The following CPA6 variants were observed in gnomAD, a reference collection of about 807,000 sequenced individuals.
CPA6 encodes the protein carboxypeptidase A6.
Under a neutral mutation model 63.3 loss-of-function variants are expected in CPA6, and 58 were observed. The ratio of observed to expected loss-of-function variants is 0.92; its 90% CI spans 0.74 to 1.14. The LOEUF (loss-of-function observed/expected upper bound fraction) is 1.14, where lower values mean the gene tolerates loss of function less well. Ranked by LOEUF, CPA6 falls within the 50% of genes most tolerant of loss-of-function variation. The probability of loss-of-function intolerance (pLI) is 0.00; values close to 1 mark genes in which losing one functional copy is unlikely to be tolerated. For synonymous variants in CPA6, 185 were observed against 179.0 expected, an observed-to-expected ratio of 1.03 and a Z score of -0.27; for missense variants, 565 against 526.6, an observed-to-expected ratio of 1.07 and a Z score of -0.71.
At chr8:67,554,900 G>A (rs959085285) in intron 2 of CPA6, among the ~76,000 whole-genome samples, 4 of 152,012 alleles carry the variant, frequency 2.6e-5, no homozygotes, top group African/African-American at 9.7e-5. Context: ...TCAGTCCACT[G>A]ACTCACATGC....
intron 2 of CPA6, among the ~76,000 whole-genome samples, chr8:67,610,985 T>A (rs11785645): frequency 0.15 from 22,347 of 152,176 alleles, 2,129 homozygotes; most frequent in East Asian, 0.41. Flanking sequence ...TAGCACATGG[T>A]AGTATATAAT....
chr8:67,635,576 T>G (rs1173178732), intron 1 of CPA6, among the ~76,000 whole-genome samples: 1 of 151,616 alleles, frequency 6.6e-6, no homozygotes, highest in Non-Finnish European at 1.5e-5. Context: ...GAGACCAGCC[T>G]GACCAACATG....
At chr8:67,500,293 G>A (rs186229055) in intron 6 of CPA6, among the ~76,000 whole-genome samples, 61 of 152,156 alleles carry the variant, frequency 4.0e-4, no homozygotes, top group African/African-American at 1.2e-3. Flanking sequence ...TTTTCCCAAC[G>A]ACATCTTTTT....
rs145104714 is a variant in CPA6, at chr8:67,464,814, G to A, written c.838+18954C>T. On this transcript the variant is annotated intron_variant, in intron 8 of 10. Coordinates refer to ENST00000297770, the MANE Select transcript of CPA6 (RefSeq NM_020361.5). ...CTGTCGACTTTGTTGAAGATCAGATGGCTGTAGGTGTGTGGCTTTATTCTG... is the reference window on the plus strand; with the variant it reads ...CTGTCGACTTTGTTGAAGATCAGATAGCTGTAGGTGTGTGGCTTTATTCTG... Among the ~76,000 whole-genome samples, 427 of 152,236 alleles carry A rather than the reference G, an allele frequency of 2.8e-3. 7 individuals are homozygous for A. The highest frequency in any genetic ancestry group is 9.5e-3 in the African/African-American group (393 of 41,542).
rs368375523 is a variant in CPA6, at chr8:67,644,403, C to A, written c.117-20152G>T. Among the ~76,000 whole-genome samples, 10 of 152,354 alleles carry A rather than the reference C, an allele frequency of 6.6e-5. 1 individual carries two copies. Among genetic ancestry groups the A allele is most frequent in the Admixed American group, 2.6e-4 (4 of 15,300 alleles). ...AAAGTGCTGGGATTACAGGCGTGAG[C>A]CACCATGCCCGGCCATTATGGCTGT... On this transcript the variant is annotated intron_variant, in intron 1 of 10. Transcript: ENST00000297770.
intron 1 of CPA6, among the ~76,000 whole-genome samples, chr8:67,686,168 A>G (rs761293774): frequency 1.3e-5 from 2 of 152,160 alleles, no homozygotes; most frequent in African/African-American, 2.4e-5. Flanking sequence ...AAATTCTCTC[A>G]TGTTCTGAGT....
rs1355689642 is a variant in CPA6 at position 67,530,090 on chromosome 8, A to G, written c.193-12043T>C. 3.9e-5 allele frequency among the ~76,000 whole-genome samples: 6 copies of G among 152,332 alleles called. No individual in the cohort carries two copies. The East Asian group carries it at 1.2e-3, about 29-fold the overall frequency. Reference sequence around the variant, plus strand: ...AGAGAGGATATGTTCAAGAAACAAGAGCAGAATGCTTTAATAAAGGAACAA... The same window carrying G: ...AGAGAGGATATGTTCAAGAAACAAGGGCAGAATGCTTTAATAAAGGAACAA... On this transcript the variant is annotated intron_variant, in intron 2 of 10. Transcript: ENST00000297770.
At chr8:67,723,362 T>A (rs1156880775) in intron 1 of CPA6, among the ~76,000 whole-genome samples, 1 of 152,238 alleles carries the variant, frequency 6.6e-6, no homozygotes, top group Non-Finnish European at 1.5e-5. Context: ...GACGAGGGTC[T>A]CACCATGTTG....
intron 1 of CPA6, among the ~76,000 whole-genome samples, chr8:67,655,028 A>G (rs1587674978): frequency 6.6e-6 from 1 of 152,184 alleles, no homozygotes; most frequent in Non-Finnish European, 1.5e-5. Flanking sequence ...TAGTTAGCAT[A>G]CAGGCATTCT....
At chr8:67,550,122 G>C (rs1017657946) in intron 2 of CPA6, among the ~76,000 whole-genome samples, 1 of 152,072 alleles carries the variant, frequency 6.6e-6, no homozygotes, top group African/African-American at 2.4e-5. Context: ...CGAGGTTTAG[G>C]GTATGAATGA....
chr8:67,573,884 T>A (rs1682077), intron 2 of CPA6, among the ~76,000 whole-genome samples: 1 of 96,274 alleles, frequency 1.0e-5, no homozygotes, highest in African/African-American at 4.3e-5. Flanking sequence ...AGAGCAAGAC[T>A]CCGTCTCAAA....
At chr8:67,440,813 A>G (rs1175847490) in intron 8 of CPA6, among the ~76,000 whole-genome samples, 1 of 152,032 alleles carries the variant, frequency 6.6e-6, no homozygotes, top group Non-Finnish European at 1.5e-5. Flanking sequence ...ATCTTATGGG[A>G]CCTCTGACAT....
chr8:67,654,933 AG>A (rs1309206373), intron 1 of CPA6, among the ~76,000 whole-genome samples: 1 of 152,126 alleles, frequency 6.6e-6, no homozygotes, highest in Admixed American at 6.6e-5. Flanking sequence ...CTGAAACTTG[AG>A]GCAAATGATT....
At chr8:67,454,703 C>T (rs1267251388) in intron 8 of CPA6, among the ~76,000 whole-genome samples, 1 of 152,220 alleles carries the variant, frequency 6.6e-6, no homozygotes, top group Admixed American at 6.5e-5. Context: ...CAGATCTCTG[C>T]AGTGCAGAGT....
At chr8:67,701,162 T>C (rs899258876) in intron 1 of CPA6, among the ~76,000 whole-genome samples, 1 of 152,210 alleles carries the variant, frequency 6.6e-6, no homozygotes, top group Non-Finnish European at 1.5e-5. Flanking sequence ...ATATTTATTA[T>C]AGGCCTGTTT....
chr8:67,469,612 G>GA (rs1365892708), intron 8 of CPA6, among the ~76,000 whole-genome samples: 3 of 151,944 alleles, frequency 2.0e-5, no homozygotes, highest in Non-Finnish European at 2.9e-5. Context: ...TCAAAAAAAA[G>GA]AAAAGAAAGA....
At position 67,711,414 on chromosome 8, in the gene CPA6, C is replaced by A. The variant is rs148954685; in HGVS notation, c.116+34600G>T. 5.8e-3 allele frequency among the ~76,000 whole-genome samples: 882 copies of A among 152,266 alleles called. 6 individuals carry two copies. The highest frequency in any genetic ancestry group is 0.02 in the African/African-American group (829 of 41,542). On this transcript the variant is annotated intron_variant, in intron 1 of 10. Coordinates refer to ENST00000297770, the MANE Select transcript of CPA6 (RefSeq NM_020361.5). ...CAGATTTATCAGGGTTTCCACACAG[C>A]ATTTGAAACAAGCTTGTTTTTAACT... is the stretch of plus-strand genomic sequence containing the variant.
At chr8:67,502,252 G>A (rs1811843398) in intron 6 of CPA6, among the ~76,000 whole-genome samples, 1 of 152,096 alleles carries the variant, frequency 6.6e-6, no homozygotes, top group African/African-American at 2.4e-5. Context: ...GAGCCTAGGA[G>A]TTTGAGATAA....
chr8:67,497,104 T>G (rs1249621036), intron 6 of CPA6, among the ~76,000 whole-genome samples: 1 of 152,214 alleles, frequency 6.6e-6, no homozygotes, highest in African/African-American at 2.4e-5. Context: ...TGACTTCTTA[T>G]TGAGATACGA....
Sources: allele counts gnomAD v4.1 joint callset (sites outside exome capture counted in the v4.1 genomes callset), GRCh38; gene constraint gnomAD v4.1.1; transcripts MANE v1.5; gene names NCBI Gene and HGNC (gene_info 2026-07-23, HGNC 2026-07-21).